Variants in LRRC61 observed in about 807,000 individuals in gnomAD.
LRRC61 encodes the protein leucine rich repeat containing 61.
Under a neutral mutation model 15.1 loss-of-function variants are expected in LRRC61, and 9 were observed. The observed-to-expected ratio is 0.60, with a 90% CI of 0.36 to 1.04. The LOEUF is 1.04. Ranked by LOEUF, LRRC61 falls within the 50% of genes least tolerant of loss-of-function variation. LRRC61 has a pLI of 0.01. For missense variants in LRRC61, 344 were observed against 335.6 expected (o/e 1.03, Z -0.20); for synonymous variants, 173 against 158.6 (o/e 1.09, Z -0.68).
Position 150,330,486 on chromosome 7 carries a change from GA to G in LRRC61, c.-145+4477del. ...GCTGCGCTACCTGCACATCTTCCTG[GA>G]GCAGGTTCACACACACTTTCAGGAG... On this transcript the variant is annotated intron_variant, in intron 2 of 2. Transcript: ENST00000359623. The surrounding 1 kb of genome is among the most constrained non-coding windows in gnomAD (Gnocchi z 4.6). 1.3e-6 allele frequency: 1 copy of G among 780,206 alleles called. No homozygotes were observed. 48.3% of individuals were successfully genotyped at this position (780,206 alleles called of 1,614,324 possible).
rs368944224 is a variant in LRRC61, at chr7:150,330,253, C to T, written c.-145+4243C>T. 104 of 625,066 alleles carry T rather than the reference C, an allele frequency of 1.7e-4. No homozygotes were observed. The highest frequency in any genetic ancestry group is 1.0e-3 in the South Asian group (56 of 54,322). 38.7% of individuals were successfully genotyped at this position (625,066 alleles called of 1,614,324 possible). A position where few individuals can be genotyped will look rare whatever the true frequency, so the allele number is the denominator to read the frequency against. On this transcript the variant is annotated intron_variant, in intron 2 of 2. Coordinates refer to ENST00000359623, the MANE Select transcript of LRRC61 (RefSeq NM_001142928.2). The surrounding 1 kb of genome is among the most constrained non-coding windows in gnomAD (Gnocchi z 4.6). ...GAGGAGCTCTTGGACCACTGGGTCT[C>T]GGCCTACCACCTGCTGGAGTGGCTG...
At chr7:150,331,514 C>T (rs1585045301) in intron 2 of LRRC61, 2 of 189,838 alleles carry the variant, frequency 1.1e-5, no homozygotes, top group East Asian at 3.2e-4. Context: ...TGTCATTTTC[C>T]ATCTCCCGAT....
In LRRC61 at chr7:150,323,669, C is replaced by T. The variant is rs1459712447; in HGVS notation, c.-315+109C>T. 7 of 456,184 alleles carry T rather than the reference C, an allele frequency of 1.5e-5. No individual in the cohort carries two copies. The Admixed American group carries it at 1.6e-4, about 11-fold the overall frequency. 28.3% of individuals were successfully genotyped at this position (456,184 alleles called of 1,614,324 possible). A position where few individuals can be genotyped will look rare whatever the true frequency, so the allele number is the denominator to read the frequency against. ...CCAGCGGTGCCCTCGCGCCGAAACA[C>T]ACTGGGAGAGGCCAGAATCTTCCGG... On this transcript the variant is annotated intron_variant, in intron 1 of 2. Transcript: ENST00000359623.
In LRRC61 at chr7:150,330,308, C is replaced by G. The variant is rs1798065531; in HGVS notation, c.-145+4298C>G. ...AGCAGCAGCAGCCCCTTCAAGAGTA[C>G]AAGGGCAGGCACCAGCTGGGGAAGG... On this transcript the variant is annotated intron_variant, in intron 2 of 2. Coordinates refer to ENST00000359623, the MANE Select transcript of LRRC61 (RefSeq NM_001142928.2). The surrounding 1 kb of genome is among the most constrained non-coding windows in gnomAD (Gnocchi z 4.6). 2.8e-6 allele frequency: 2 copies of G among 710,720 alleles called. No homozygotes were observed. Among genetic ancestry groups the G allele is most frequent in the Admixed American group, 1.9e-5 (1 of 53,806 alleles). The allele number at this position is 710,720 out of a possible 1,614,324, so 44.0% of individuals were successfully genotyped here. A position where few individuals can be genotyped will look rare whatever the true frequency, so the allele number is the denominator to read the frequency against.
the LRRC61 span, among the ~76,000 whole-genome samples, chr7:150,311,446 A>C: frequency 2.6e-5 from 4 of 152,096 alleles, no homozygotes; most frequent in Admixed American, 2.6e-4. Context: ...TACAGTTCTC[A>C]CAACCTTCAA....
intron 2 of LRRC61, chr7:150,331,297 G>T (rs575516553): frequency 3.3e-6 from 2 of 606,084 alleles, no homozygotes; most frequent in South Asian, 4.9e-5. Context: ...CCTGCAGTCC[G>T]CTCAGGGTGG....
rs34287911 is a variant in LRRC61 at position 150,326,682 on chromosome 7, GAA to G, written c.-145+689_-145+690del. Reference sequence around the variant, plus strand: ...TGGGTGACAGAGCAAGACCCAGTCTGAAAAAAAAAAAAAAAAAATACTTTGGA... The same window carrying G: ...TGGGTGACAGAGCAAGACCCAGTCTGAAAAAAAAAAAAAAAATACTTTGGA... On this transcript the variant is annotated intron_variant, in intron 2 of 2. Coordinates refer to ENST00000359623, the MANE Select transcript of LRRC61 (RefSeq NM_001142928.2). Among the ~76,000 whole-genome samples the G allele has an allele frequency of 6.9e-3, 906 of 130,424 alleles. 8 individuals are homozygous for G. Among genetic ancestry groups the G allele is most frequent in the African/African-American group, 0.021 (726 of 35,084 alleles). The allele number at this position is 130,424 out of a possible 152,430, so 85.6% of individuals were successfully genotyped here.
chr7:150,322,879 T>A (rs1797691700), upstream of LRRC61: 1 of 152,320 alleles, frequency 6.6e-6, no homozygotes, highest in South Asian at 2.1e-4. Context: ...TAGATGAGCC[T>A]TCCACGCGGG....
intron 2 of LRRC61, among the ~76,000 whole-genome samples, chr7:150,327,586 A>G (rs1797987636): frequency 6.6e-6 from 1 of 152,178 alleles, no homozygotes; most frequent in Non-Finnish European, 1.5e-5. Context: ...TAGGAGGTCA[A>G]GGAAGGAAGA....
At chr7:150,331,041 CT>C (rs779606272) in intron 2 of LRRC61, 32 of 1,612,092 alleles carry the variant, frequency 2.0e-5, no homozygotes, top group Non-Finnish European at 2.5e-5. Flanking sequence ...GGATGACCCC[CT>C]GGCTTACTGG....
At chr7:150,312,333 G>A in the LRRC61 span, among the ~76,000 whole-genome samples, 362 of 152,232 alleles carry the variant, frequency 2.4e-3, 2 homozygotes, top group African/African-American at 8.5e-3. Flanking sequence ...TCTCTCCTGC[G>A]TAGGCTCTGC....
Position 150,335,177 on chromosome 7 carries a change from T to C in LRRC61, c.-144-1541T>C, listed in dbSNP as rs560790559. On this transcript the variant is annotated intron_variant, in intron 2 of 2. Coordinates refer to ENST00000359623, the MANE Select transcript of LRRC61 (RefSeq NM_001142928.2). The surrounding 1 kb of genome is among the most constrained non-coding windows in gnomAD (Gnocchi z 4.3). Reference sequence around the variant, plus strand: ...ATCTTTTGTTTTCACAGCAGACAGGTTTCTAGTGCCTGGTGCTCCTCCTGC... The same window carrying C: ...ATCTTTTGTTTTCACAGCAGACAGGCTTCTAGTGCCTGGTGCTCCTCCTGC... Among the ~76,000 whole-genome samples, 334 of 152,254 alleles carry C rather than the reference T, an allele frequency of 2.2e-3. 3 individuals carry two copies. The highest frequency in any genetic ancestry group is 0.013 in the South Asian group (62 of 4,818).
chr7:150,313,274 G>T, the LRRC61 span, among the ~76,000 whole-genome samples: 858 of 152,264 alleles, frequency 5.6e-3, 6 homozygotes, highest in African/African-American at 0.02. Flanking sequence ...CTTCTCTACG[G>T]ACACACGTGA....
chr7:150,315,276 A>T, the LRRC61 span, among the ~76,000 whole-genome samples: 3 of 152,084 alleles, frequency 2.0e-5, no homozygotes. Context: ...ATTGAACGTC[A>T]TCGTGATAAA....
chr7:150,337,422 C>T lies in LRRC61; in HGVS notation c.561C>T (p.Ser187=), dbSNP rs760840950. 1.2e-6 allele frequency: 2 copies of T among 1,605,392 alleles called. No individual in the cohort carries two copies. Among genetic ancestry groups the T allele is most frequent in the South Asian group, 1.1e-5 (1 of 91,080 alleles). ...TGGACAGCTCCTTGCGTCCCAGCTC[C>T]AGTCCAGGCCCCAGAGCCACCGAGG... The part of the protein sequence containing the change: ...RDLDSSLRPS[S]SPGPRATEAQ... Residue 187 remains serine (S), a synonymous_variant, in exon 3 of 3, where the codon TCC becomes TCT. Coordinates refer to ENST00000359623, the MANE Select transcript of LRRC61 (RefSeq NM_001142928.2).
the LRRC61 span, among the ~76,000 whole-genome samples, chr7:150,313,586 AG>A: frequency 3.0e-4 from 46 of 152,200 alleles, no homozygotes; most frequent in Non-Finnish European, 2.5e-4. Context: ...TCAAGAAGGG[AG>A]GGGGGTACAG....
Position 150,336,828 on chromosome 7 carries a change from C to G in LRRC61, c.-34C>G. ...CAGTGGAACCCTGTGACAGTCCTGC[C>G]AGGGCCCAGGCCATCCCAACCGACT... is the stretch of plus-strand genomic sequence containing the variant. On this transcript the variant is annotated 5_prime_UTR_variant, in exon 3 of 3. Coordinates refer to ENST00000359623, the MANE Select transcript of LRRC61 (RefSeq NM_001142928.2). The G allele has an allele frequency of 6.4e-7, 1 of 1,571,070 alleles. No homozygotes were observed.
chr7:150,327,819 CAAA>C (rs58721598), intron 2 of LRRC61, among the ~76,000 whole-genome samples: 5 of 136,902 alleles, frequency 3.7e-5, no homozygotes, highest in Non-Finnish European at 4.6e-5. Flanking sequence ...GACCTTGTCT[CAAA>C]AAAAAAAAAA....
chr7:150,330,078 G>A lies in LRRC61; in HGVS notation c.-145+4068G>A. ...TTTCGCCCACTGCCTCGACTCCCTG[G>A]TGAGAAACTTTCTGTGTCACCCTCA... On this transcript the variant is annotated intron_variant, in intron 2 of 2. Coordinates refer to ENST00000359623, the MANE Select transcript of LRRC61 (RefSeq NM_001142928.2). The surrounding 1 kb of genome is among the most constrained non-coding windows in gnomAD (Gnocchi z 4.6). The A allele has an allele frequency of 6.3e-6, 2 of 315,744 alleles. No individual in the cohort carries two copies. The highest frequency in any genetic ancestry group is 2.2e-5 in the African/African-American group (1 of 46,054). The allele number at this position is 315,744 out of a possible 1,614,324, so 19.6% of individuals were successfully genotyped here.
Sources: allele counts gnomAD v4.1 joint callset (sites outside exome capture counted in the v4.1 genomes callset), GRCh38; gene constraint gnomAD v4.1.1; non-coding constraint Gnocchi (gnomAD v3.1); transcripts MANE v1.5; gene names NCBI Gene and HGNC (gene_info 2026-07-23, HGNC 2026-07-21).